Variants in PCBP3 observed in about 807,000 individuals in gnomAD.
PCBP3 encodes the protein poly(rC)-binding protein 3.
PCBP3 carries 25 observed loss-of-function variants against 52.7 expected under a neutral mutation model. The observed-to-expected ratio is 0.47, with a 90% CI of 0.35 to 0.66. The LOEUF is 0.66. PCBP3 is among the 30% of genes least tolerant of loss of function. PCBP3 has a pLI of 0.01. For missense variants in PCBP3, 391 were observed against 490.3 expected (o/e 0.80, Z 1.91); for synonymous variants, 162 against 183.0 (o/e 0.89, Z 0.93).
At chr21:45,673,691 G>A (rs2081304004) in intron 2 of PCBP3, 1 of 152,170 alleles carries the variant, frequency 6.6e-6, no homozygotes, top group African/African-American at 2.4e-5. Flanking sequence ...GAAGCTCTCT[G>A]GGTAGAGAAG....
intron 4 of PCBP3, among the ~76,000 whole-genome samples, chr21:45,804,994 C>T (rs1043125321): frequency 9.2e-5 from 14 of 152,272 alleles, no homozygotes; most frequent in South Asian, 4.1e-4. Flanking sequence ...GTGTCAGTGA[C>T]GTAGATAAAG....
At chr21:45,812,643 C>T (rs572304334) in intron 4 of PCBP3, among the ~76,000 whole-genome samples, 9 of 152,344 alleles carry the variant, frequency 5.9e-5, no homozygotes, top group South Asian at 2.1e-4. Flanking sequence ...CCGCCCGCTT[C>T]GGCCTCCCAA....
chr21:45,747,635 A>G (rs1253686291), intron 3 of PCBP3, among the ~76,000 whole-genome samples: 1 of 152,254 alleles, frequency 6.6e-6, no homozygotes, highest in African/African-American at 2.4e-5. Flanking sequence ...CGGCTGGGGC[A>G]GGGCGTTTTC....
At chr21:45,730,921 T>A (rs571666981) in intron 2 of PCBP3, among the ~76,000 whole-genome samples, 1 of 152,186 alleles carries the variant, frequency 6.6e-6, no homozygotes, top group African/African-American at 2.4e-5. Flanking sequence ...ATGTTTATAT[T>A]TAAAGTGGGT....
intron 11 of PCBP3, among the ~76,000 whole-genome samples, chr21:45,913,177 A>G (rs1325611407): frequency 2.0e-5 from 3 of 152,246 alleles, no homozygotes; most frequent in Non-Finnish European, 4.4e-5. Flanking sequence ...AGGGCAGGCT[A>G]AAAATGCTGG....
At position 45,839,576 on chromosome 21, in the gene PCBP3, A is replaced by G. The variant is rs547922798; in HGVS notation, c.-125-10385A>G. Among the ~76,000 whole-genome samples, 3 of 152,316 alleles carry G rather than the reference A, an allele frequency of 2.0e-5. No homozygotes were observed. In the East Asian group the frequency reaches 5.8e-4, roughly 29 times the overall value. The stretch of plus-strand genomic sequence containing the variant: ...GAGAAAGGTAATTTGGCTTCATAAA[A>G]TCCTTGGTTCACATTTTTCTCTTTA... On this transcript the variant is annotated intron_variant, in intron 4 of 17. Coordinates refer to ENST00000681687, the MANE Select transcript of PCBP3 (RefSeq NM_001384156.1).
rs975177861 is a variant in PCBP3, at chr21:45,783,925, C to T, written c.-126+28473C>T. The stretch of plus-strand genomic sequence containing the variant: ...TTTCACACACACAAAGCACGGAATT[C>T]AGTGAGCATAGAAAAGAACTCAGAC... On this transcript the variant is annotated intron_variant, in intron 4 of 17. Transcript: ENST00000681687. 4.6e-5 allele frequency among the ~76,000 whole-genome samples: 7 copies of T among 152,184 alleles called. 1 individual carries two copies. Among genetic ancestry groups the T allele is most frequent in the Admixed American group, 3.9e-4 (6 of 15,276 alleles).
At chr21:45,789,806 G>C (rs751083992) in intron 4 of PCBP3, among the ~76,000 whole-genome samples, 1 of 152,162 alleles carries the variant, frequency 6.6e-6, no homozygotes, top group Admixed American at 6.5e-5. Context: ...GACCTGGGCC[G>C]AGTTAGGTTC....
chr21:45,804,428 G>A (rs145886946), intron 4 of PCBP3, among the ~76,000 whole-genome samples: 1 of 152,320 alleles, frequency 6.6e-6, no homozygotes, highest in African/African-American at 2.4e-5. Flanking sequence ...ATCAAACCAT[G>A]TGAAACAGCA....
intron 2 of PCBP3, among the ~76,000 whole-genome samples, chr21:45,690,300 T>G (rs1193537511): frequency 2.0e-5 from 3 of 152,090 alleles, no homozygotes; most frequent in Admixed American, 6.6e-5. Context: ...ACCTTGATTC[T>G]TGCCTAACAC....
rs898595917 is a variant in PCBP3, at chr21:45,724,840, A to G, written c.-199-10552A>G. Among the ~76,000 whole-genome samples the G allele has an allele frequency of 6.6e-6, 1 of 152,124 alleles. No homozygotes were observed. The highest frequency in any genetic ancestry group is 2.1e-4 in the South Asian group (1 of 4,822). ...CTGAGAAAGTGGGTGGCAGGAGGAC[A>G]GGACGGCCTCTCTGTGAGGGAGGCA... On this transcript the variant is annotated intron_variant, in intron 2 of 17. Coordinates refer to ENST00000681687, the MANE Select transcript of PCBP3 (RefSeq NM_001384156.1). The surrounding 1 kb of genome is among the most constrained non-coding windows in gnomAD (Gnocchi z 5.3).
chr21:45,747,693 T>C (rs188494622), intron 3 of PCBP3, among the ~76,000 whole-genome samples: 2 of 152,352 alleles, frequency 1.3e-5, no homozygotes, highest in African/African-American at 4.8e-5. Flanking sequence ...ACCCCGCTCC[T>C]CGCCAGCCAG....
At chr21:45,770,103 C>T (rs546435090) in intron 4 of PCBP3, among the ~76,000 whole-genome samples, 31 of 152,296 alleles carry the variant, frequency 2.0e-4, no homozygotes, top group South Asian at 1.2e-3. Context: ...GGTGCATAAT[C>T]GACGGCGACC....
At chr21:45,701,285 T>G (rs192491450) in intron 2 of PCBP3, among the ~76,000 whole-genome samples, 9 of 152,316 alleles carry the variant, frequency 5.9e-5, no homozygotes, top group Non-Finnish European at 1.0e-4. Flanking sequence ...CAGCATCTGG[T>G]GACAGCTTAC....
At chr21:45,883,720 GTTGCACGATACGCCT>G (rs2095454352) in intron 5 of PCBP3, among the ~76,000 whole-genome samples, 1 of 151,868 alleles carries the variant, frequency 6.6e-6, no homozygotes, top group African/African-American at 2.4e-5. Flanking sequence ...TTGATTAATG[GTTGCACGATACGCCT>G]TTTCCCATTA....
intron 4 of PCBP3, among the ~76,000 whole-genome samples, chr21:45,841,885 A>G (rs1286944724): frequency 6.6e-6 from 1 of 152,188 alleles, no homozygotes; most frequent in Non-Finnish European, 1.5e-5. Flanking sequence ...CCAACTCAGG[A>G]GGGCTCCCTT....
In PCBP3 at chr21:45,694,914, G is replaced by A. The variant is rs78269188; in HGVS notation, c.-200+25962G>A. Among the ~76,000 whole-genome samples the A allele has an allele frequency of 3.0e-3, 451 of 152,180 alleles. 1 individual carries two copies. The highest frequency in any genetic ancestry group is 9.9e-3 in the African/African-American group (410 of 41,532). Reference sequence around the variant, plus strand: ...TCTTTGAAACTAAAACACCACGATCGAAATTTCAGCAATTTGTTTTTTTTA... The same window carrying A: ...TCTTTGAAACTAAAACACCACGATCAAAATTTCAGCAATTTGTTTTTTTTA... On this transcript the variant is annotated intron_variant, in intron 2 of 17. Transcript: ENST00000681687.
chr21:45,765,492 G>A (rs991832464), intron 4 of PCBP3, among the ~76,000 whole-genome samples: 2 of 152,236 alleles, frequency 1.3e-5, no homozygotes, highest in Non-Finnish European at 1.5e-5. Flanking sequence ...GAGGAGCTGC[G>A]AATGTGCTCT....
intron 2 of PCBP3, among the ~76,000 whole-genome samples, chr21:45,703,132 A>C (rs1211459528): frequency 2.0e-5 from 3 of 152,182 alleles, no homozygotes; most frequent in Admixed American, 6.5e-5. Context: ...GACTTCCTTC[A>C]ATAAAGGATG....
Sources: gnomAD v4.1 joint callset for allele counts (sites outside exome capture counted in the v4.1 genomes callset) on GRCh38, gnomAD v4.1.1 for gene constraint, Gnocchi (gnomAD v3.1) non-coding constraint, MANE v1.5 for transcripts, NCBI Gene and HGNC (gene_info 2026-07-23, HGNC 2026-07-21) for gene names.